Variants in FBLN1 observed in about 807,000 individuals in gnomAD.
FBLN1 encodes fibulin-1.
A neutral mutation model predicts 89.7 loss-of-function variants in FBLN1; 34 were observed. The observed-to-expected ratio is 0.38, with a 90% CI of 0.29 to 0.50. The LOEUF (loss-of-function observed/expected upper bound fraction) is 0.50. Ranked by LOEUF, FBLN1 falls within the 20% of genes least tolerant of loss-of-function variation. FBLN1 has a pLI of 0.92. For missense variants in FBLN1, 777 were observed against 988.1 expected, an observed-to-expected ratio of 0.79 and a Z score of 2.86; for synonymous variants, 393 against 391.3, an observed-to-expected ratio of 1.00 and a Z score of -0.05.
At chr22:45,599,643 C>G (rs1449099569) in intron 16 of FBLN1, among the ~76,000 whole-genome samples, 1 of 152,180 alleles carries the variant, frequency 6.6e-6, no homozygotes, top group East Asian at 1.9e-4. Flanking sequence ...GTAGGCCAGT[C>G]ACGGTCGCTC....
At position 45,578,912 on chromosome 22, in the gene FBLN1, T is replaced by A. The variant is rs2147031222; in HGVS notation, c.1972+1804T>A. Among the ~76,000 whole-genome samples, 1 of 152,352 alleles carries A rather than the reference T, an allele frequency of 6.6e-6. No individual in the cohort carries two copies. The highest frequency in any genetic ancestry group is 2.1e-4 in the South Asian group (1 of 4,824). On this transcript the variant is annotated intron_variant, in intron 16 of 16. Transcript: ENST00000327858. The surrounding 1 kb of genome is among the most constrained non-coding windows in gnomAD (Gnocchi z 4.6). ...GATACAGAGATGGATAAATGCCACA[T>A]AGCCCCTGAGGACTTTGCATCTCAG...
In FBLN1 at chr22:45,536,736, G is replaced by A. The variant is rs1420914781; in HGVS notation, c.922+1399G>A. ...GCTGAGATCACGCCACTGTACTCCA[G>A]CCTGGGTGACAGAGTGAGACTCCAT... On this transcript the variant is annotated intron_variant, in intron 8 of 16. Transcript: ENST00000327858. This position sits in a 1 kb window ranked among gnomAD's most constrained non-coding sequence, Gnocchi z 5.1. 1.3e-5 allele frequency among the ~76,000 whole-genome samples: 2 copies of A among 151,870 alleles called. No homozygotes were observed. The highest frequency in any genetic ancestry group is 6.6e-5 in the Admixed American group (1 of 15,234).
At chr22:45,540,648 T>C (rs1046234230) in intron 8 of FBLN1, among the ~76,000 whole-genome samples, 4 of 152,186 alleles carry the variant, frequency 2.6e-5, no homozygotes, top group African/African-American at 7.2e-5. Flanking sequence ...TATCCCTGTG[T>C]AGCATGGCCC....
chr22:45,580,499 G>A lies in FBLN1; in HGVS notation c.1972+3391G>A, dbSNP rs2089033348. On this transcript the variant is annotated intron_variant, in intron 16 of 16. Coordinates refer to ENST00000327858, the MANE Select transcript of FBLN1 (RefSeq NM_006486.3). The surrounding 1 kb of genome is among the most constrained non-coding windows in gnomAD (Gnocchi z 8.6). ...CTTAGTGAGCACCTGTGATGACCAG[G>A]AGCCAGGGTTTCATCATCGCCAGGA... 6.6e-6 allele frequency among the ~76,000 whole-genome samples: 1 copy of A among 152,222 alleles called. No individual in the cohort carries two copies. Among genetic ancestry groups the A allele is most frequent in the African/African-American group, 2.4e-5 (1 of 41,456 alleles).
chr22:45,527,830 T>C lies in FBLN1; in HGVS notation c.322-17T>C, dbSNP rs370910109. 63 of 1,613,240 alleles carry C rather than the reference T, an allele frequency of 3.9e-5. No individual in the cohort carries two copies. In the African/African-American group the frequency reaches 7.5e-4, roughly 19 times the overall value. On this transcript the variant is annotated splice_polypyrimidine_tract_variant and intron_variant, in intron 3 of 16. Coordinates refer to ENST00000327858, the MANE Select transcript of FBLN1 (RefSeq NM_006486.3). Reference sequence around the variant, plus strand: ...TCTGCCCGCTCCTCCATCTGGGATCTCCACCTGTGTTTGCAGAGGTGCTGC... The same window carrying C: ...TCTGCCCGCTCCTCCATCTGGGATCCCCACCTGTGTTTGCAGAGGTGCTGC...
At chr22:45,513,118 G>T (rs1036444857) in intron 1 of FBLN1, among the ~76,000 whole-genome samples, 1 of 152,130 alleles carries the variant, frequency 6.6e-6, no homozygotes, top group African/African-American at 2.4e-5. Flanking sequence ...GCTTGACACT[G>T]TTCAGATTAC....
rs1270604579 is a variant in FBLN1, at chr22:45,563,015, G to A, written c.1698-11496G>A. 8.7e-6 allele frequency: 14 copies of A among 1,613,374 alleles called. No individual in the cohort carries two copies. The highest frequency in any genetic ancestry group is 4.5e-5 in the East Asian group (2 of 44,858). On this transcript the variant is annotated intron_variant, in intron 14 of 16. Coordinates refer to ENST00000327858, the MANE Select transcript of FBLN1 (RefSeq NM_006486.3). The surrounding 1 kb of genome is among the most constrained non-coding windows in gnomAD (Gnocchi z 5.7). ...TTTCCCCACCAACATCCAAGCGCCC[G>A]CGGTGGTTTTCCGCATGGGCCCCTC...
In FBLN1 at chr22:45,518,931, G is replaced by A. The variant is rs1034905079; in HGVS notation, c.185+144G>A. 124 of 778,634 alleles carry A rather than the reference G, an allele frequency of 1.6e-4. 1 individual carries two copies. The highest frequency in any genetic ancestry group is 1.2e-4 in the Admixed American group (6 of 49,824). The allele number at this position is 778,634 out of a possible 1,614,324, so 48.2% of individuals were successfully genotyped here. ...CATCCAGGCTGCGGGTGCTGCAGTGGGTGACTCCTGCCTCCCTCCTGGCAC... is the reference window on the plus strand; with the variant it reads ...CATCCAGGCTGCGGGTGCTGCAGTGAGTGACTCCTGCCTCCCTCCTGGCAC... On this transcript the variant is annotated intron_variant, in intron 2 of 16. Transcript: ENST00000327858.
At chr22:45,551,905 C>A (rs1305609864) in intron 14 of FBLN1, among the ~76,000 whole-genome samples, 1 of 152,222 alleles carries the variant, frequency 6.6e-6, no homozygotes, top group Non-Finnish European at 1.5e-5. Flanking sequence ...TTCTAACTTG[C>A]GCACAGTCGT....
intron 16 of FBLN1, among the ~76,000 whole-genome samples, chr22:45,586,860 G>A (rs1489012746): frequency 2.6e-5 from 4 of 152,116 alleles, no homozygotes; most frequent in Non-Finnish European, 4.4e-5. Context: ...GATGCCTGTC[G>A]GTGGGTGACA....
intron 1 of FBLN1, among the ~76,000 whole-genome samples, chr22:45,513,197 T>G (rs2088124327): frequency 6.6e-6 from 1 of 152,238 alleles, no homozygotes; most frequent in Admixed American, 6.5e-5. Flanking sequence ...GCTTTCCTAC[T>G]GTAGGATGTT....
chr22:45,518,850 G>A lies in FBLN1; in HGVS notation c.185+63G>A, dbSNP rs565538668. On this transcript the variant is annotated intron_variant, in intron 2 of 16. Transcript: ENST00000327858. The stretch of plus-strand genomic sequence containing the variant: ...GTTCCTTTAGAGAAAAGTGGGGGAG[G>A]AAGGGACAGTGTGTGCCAGACCTCT... 338 of 1,397,588 alleles carry A rather than the reference G, an allele frequency of 2.4e-4. 4 individuals carry two copies. The South Asian group carries it at 4.0e-3, about 16-fold the overall frequency. 86.6% of individuals were successfully genotyped at this position (1,397,588 alleles called of 1,614,324 possible).
chr22:45,587,965 A>C (rs1569267269), intron 16 of FBLN1, among the ~76,000 whole-genome samples: 1 of 152,044 alleles, frequency 6.6e-6, no homozygotes, highest in Non-Finnish European at 1.5e-5. Flanking sequence ...CCAACGAGTA[A>C]TGTGTGTATC....
intron 16 of FBLN1, among the ~76,000 whole-genome samples, chr22:45,585,518 C>T (rs893969475): frequency 2.0e-5 from 3 of 152,248 alleles, no homozygotes; most frequent in African/African-American, 4.8e-5. Context: ...CCCTGCCCAA[C>T]GATGAGTGAT....
chr22:45,592,352 A>T (rs2089145798), intron 16 of FBLN1, among the ~76,000 whole-genome samples: 1 of 152,102 alleles, frequency 6.6e-6, no homozygotes, highest in Admixed American at 6.5e-5. Context: ...TTTGAGACAG[A>T]GTCTCGCTCA....
chr22:45,546,779 A>G (rs2088633777), intron 11 of FBLN1, among the ~76,000 whole-genome samples: 1 of 152,134 alleles, frequency 6.6e-6, no homozygotes, highest in Non-Finnish European at 1.5e-5. Flanking sequence ...TCAGATTTCC[A>G]TTTGAGAACT....
chr22:45,574,578 G>A lies in FBLN1; in HGVS notation c.1765G>A (p.Val589Met), dbSNP rs1440956322. 33 of 1,614,128 alleles carry A rather than the reference G, an allele frequency of 2.0e-5. No homozygotes were observed. The highest frequency in any genetic ancestry group is 2.5e-5 in the Non-Finnish European group (29 of 1,180,010). ...CTGCCGCCCCAACGATGTCACATGC[G>A]TGTTCGACCCCGTGCACACCATCTC... ...KSCRPNDVTC[V>M]FDPVHTISHT... The change falls in exon 15 of 17, where the codon GTG becomes ATG. Residue 589 changes from valine to methionine, a missense_variant. Val to Met is a conservative substitution (Grantham distance 21). Transcript: ENST00000327858. This position sits in a 1 kb window ranked among gnomAD's most constrained non-coding sequence, Gnocchi z 4.1.
rs2089057992 is a variant in FBLN1 at position 45,583,308 on chromosome 22, C to T, written c.1972+6200C>T. 6.6e-6 allele frequency among the ~76,000 whole-genome samples: 1 copy of T among 151,620 alleles called. No individual in the cohort carries two copies. The highest frequency in any genetic ancestry group is 6.6e-5 in the Admixed American group (1 of 15,188). On this transcript the variant is annotated intron_variant, in intron 16 of 16. Transcript: ENST00000327858. The surrounding 1 kb of genome is among the most constrained non-coding windows in gnomAD (Gnocchi z 4.5). ...AAGGGTTTGGGTCCTCAGCTCCTGG[C>T]CGGGGCAAGTCTGGCCAAGCAGCAT...
At chr22:45,573,539 G>A (rs1336261638) in intron 14 of FBLN1, among the ~76,000 whole-genome samples, 1 of 151,466 alleles carries the variant, frequency 6.6e-6, no homozygotes, top group East Asian at 2.0e-4. Flanking sequence ...AAATTAGCCG[G>A]GCATGGTGGC....
Sources: allele counts gnomAD v4.1 joint callset (sites outside exome capture counted in the v4.1 genomes callset), GRCh38; gene constraint gnomAD v4.1.1; non-coding constraint Gnocchi (gnomAD v3.1); transcripts MANE v1.5; gene names NCBI Gene and HGNC (gene_info 2026-07-23, HGNC 2026-07-21).